DYNC2I1: variants seen among roughly 807,000 people sequenced by gnomAD.
The protein encoded by DYNC2I1 is dynein 2 intermediate chain 1.
Under a neutral mutation model 133.4 loss-of-function variants are expected in DYNC2I1, and 89 were observed. The observed-to-expected ratio is 0.67, with a 90% CI of 0.56 to 0.80. The LOEUF (loss-of-function observed/expected upper bound fraction) is 0.80. Ranked by LOEUF, DYNC2I1 falls within the 30% of genes least tolerant of loss-of-function variation. DYNC2I1 has a pLI of 0.00. For missense variants in DYNC2I1, 1,291 were observed against 1,314.5 expected (o/e 0.98, Z 0.28); for synonymous variants, 504 against 484.3 (o/e 1.04, Z -0.54).
At chr7:158,847,491 G>A in the DYNC2I1 span, among the ~76,000 whole-genome samples, 50 of 152,200 alleles carry the variant, frequency 3.3e-4, no homozygotes, top group African/African-American at 1.0e-3. Context: ...TGGCCATGTC[G>A]TCACCCTTCT....
At chr7:158,860,397 A>G (rs969449783) in intron 1 of DYNC2I1, among the ~76,000 whole-genome samples, 8 of 152,160 alleles carry the variant, frequency 5.3e-5, no homozygotes, top group African/African-American at 1.9e-4. Context: ...CATTTCTTTC[A>G]GTTTGTTTCA....
chr7:158,946,938 G>T (rs1289977652), downstream of DYNC2I1, among the ~76,000 whole-genome samples: 1 of 152,198 alleles, frequency 6.6e-6, no homozygotes, highest in South Asian at 2.1e-4. Context: ...CGGCTGTGAC[G>T]CTGCAGACAC....
rs575182840 is a variant in DYNC2I1 at position 158,954,696 on chromosome 7, T to A, written c.*57-1887T>A. On this transcript the variant is annotated intron_variant and NMD_transcript_variant, in intron 4 of 4. Coordinates refer to the DYNC2I1 transcript ENST00000454771. ...ACATTCTAAAAGTAATATTTATATATTGAAGACAACTGAAATTATATTAAA... is the reference window on the plus strand; with the variant it reads ...ACATTCTAAAAGTAATATTTATATAATGAAGACAACTGAAATTATATTAAA... 2.0e-5 allele frequency among the ~76,000 whole-genome samples: 3 copies of A among 152,346 alleles called. No individual in the cohort carries two copies. In the East Asian group the frequency reaches 5.8e-4, roughly 29 times the overall value.
intron 1 of DYNC2I1, among the ~76,000 whole-genome samples, chr7:158,863,250 C>T (rs1433465835): frequency 2.0e-5 from 3 of 152,070 alleles, no homozygotes; most frequent in African/African-American, 7.2e-5. Context: ...GGTGCGTTTA[C>T]AAACCTTTAG....
the DYNC2I1 span, among the ~76,000 whole-genome samples, chr7:158,841,072 A>G: frequency 2.7e-5 from 4 of 150,314 alleles, no homozygotes; most frequent in African/African-American, 9.8e-5. Context: ...AAATGGGATC[A>G]TGCCTACTTT....
rs185294135 is a variant in DYNC2I1, at chr7:158,914,333, C to T, written c.1791+12C>T. On this transcript the variant is annotated intron_variant, in intron 14 of 24. Transcript: ENST00000407559. ...GGGCTGCTTGTCAGGTATACTCAAC[C>T]TATATATGTTGTGTTCTCTGTGTAA... 5.0e-6 allele frequency: 8 copies of T among 1,601,268 alleles called. No individual in the cohort carries two copies. The highest frequency in any genetic ancestry group is 6.8e-6 in the Non-Finnish European group (8 of 1,172,152).
chr7:158,891,132 A>T, intron 7 of DYNC2I1, 133 bp from the exon 8 acceptor site: 1 of 893,664 alleles, frequency 1.1e-6, no homozygotes, highest in Non-Finnish European at 1.8e-6. Context: ...CCAGAGCGTT[A>T]GTTTCGTAGT....
intron 13 of DYNC2I1, among the ~76,000 whole-genome samples, 182 bp from the exon 14 acceptor site, chr7:158,914,051 A>G (rs1847761472): frequency 6.6e-6 from 1 of 152,220 alleles, no homozygotes; most frequent in Non-Finnish European, 1.5e-5. Flanking sequence ...CTATAAAACA[A>G]TATGCAGTTG....
chr7:158,870,665 G>T (rs539741323), intron 2 of DYNC2I1, among the ~76,000 whole-genome samples: 8 of 152,100 alleles, frequency 5.3e-5, no homozygotes, highest in Non-Finnish European at 1.0e-4. Context: ...GAGATACCAT[G>T]CCTGGTCCTA....
At chr7:158,839,316 A>G in the DYNC2I1 span, among the ~76,000 whole-genome samples, 309 of 137,902 alleles carry the variant, frequency 2.2e-3, 2 homozygotes, top group Middle Eastern at 3.8e-3. Context: ...ATGCTAATGT[A>G]ACTCCGTAAC....
At chr7:158,876,283 CA>C (rs1424017912) in intron 3 of DYNC2I1, among the ~76,000 whole-genome samples, 54 of 152,248 alleles carry the variant, frequency 3.5e-4, no homozygotes, top group African/African-American at 1.2e-3. Flanking sequence ...GAACAGCACC[CA>C]GGGGGAAATT....
chr7:158,955,640 G>C (rs181042597), intron 4 of DYNC2I1, among the ~76,000 whole-genome samples: 2 of 152,340 alleles, frequency 1.3e-5, no homozygotes, highest in Admixed American at 6.5e-5. Flanking sequence ...CCTGCCTGCA[G>C]GCGTATTTTG....
At chr7:158,857,485 GT>G (rs1323397263) in intron 1 of DYNC2I1, among the ~76,000 whole-genome samples, 1 of 147,936 alleles carries the variant, frequency 6.8e-6, no homozygotes, top group Non-Finnish European at 1.5e-5. Context: ...TTACCTTTAT[GT>G]GTTGAATAAT....
At chr7:158,890,848 A>G (rs1169795931) in intron 7 of DYNC2I1, among the ~76,000 whole-genome samples, 1 of 152,134 alleles carries the variant, frequency 6.6e-6, no homozygotes, top group Non-Finnish European at 1.5e-5. Context: ...TGCTAGTATT[A>G]GAGGCGTGAA....
intron 5 of DYNC2I1, among the ~76,000 whole-genome samples, chr7:158,883,378 T>A (rs1379828269): frequency 6.9e-6 from 1 of 145,038 alleles, no homozygotes; most frequent in East Asian, 2.0e-4. Flanking sequence ...TCTGGCTTAT[T>A]ATTATTTTTT....
intron 1 of DYNC2I1, among the ~76,000 whole-genome samples, chr7:158,859,605 C>T (rs747327016): frequency 8.5e-5 from 13 of 152,142 alleles, no homozygotes; most frequent in African/African-American, 2.2e-4. Context: ...CAGGTTAAAG[C>T]GGTCCTCCTG....
intron 1 of DYNC2I1, among the ~76,000 whole-genome samples, chr7:158,860,080 A>C (rs1373777737): frequency 6.6e-6 from 1 of 150,880 alleles, no homozygotes; most frequent in Admixed American, 6.6e-5. Flanking sequence ...TTGGAGACGA[A>C]GTCTCACTCT....
At chr7:158,954,638 ACT>A (rs771404315) in intron 4 of DYNC2I1, among the ~76,000 whole-genome samples, 5 of 152,196 alleles carry the variant, frequency 3.3e-5, no homozygotes, top group South Asian at 2.1e-4. Flanking sequence ...ACAGAATGAG[ACT>A]CTCTCTCTAA....
chr7:158,907,873 A>G (rs2129484203), intron 11 of DYNC2I1, among the ~76,000 whole-genome samples: 1 of 152,028 alleles, frequency 6.6e-6, no homozygotes, highest in Admixed American at 6.6e-5. Flanking sequence ...TCAGCCTCCC[A>G]AAGTATTGGG....
Sources: gnomAD v4.1 joint callset for allele counts (sites outside exome capture counted in the v4.1 genomes callset) on GRCh38, gnomAD v4.1.1 for gene constraint, MANE v1.5 for transcripts, NCBI Gene and HGNC (gene_info 2026-07-23, HGNC 2026-07-21) for gene names.